The following RBM46 variants were observed in gnomAD, a reference collection of about 807,000 sequenced individuals.
RBM46 encodes the protein probable RNA-binding protein 46.
In RBM46, 12 loss-of-function variants were observed where a neutral mutation model predicts 43.3. The ratio of observed to expected loss-of-function variants is 0.28; its 90% CI spans 0.18 to 0.45. The LOEUF is 0.45. Ranked by LOEUF, RBM46 falls within the 20% of genes least tolerant of loss-of-function variation. The probability of loss-of-function intolerance (pLI) is 1.00; values close to 1 mark genes in which losing one functional copy is unlikely to be tolerated. For synonymous variants in RBM46, 205 were observed against 207.6 expected, an observed-to-expected ratio of 0.99 and a Z score of 0.11; for missense variants, 412 against 639.1, an observed-to-expected ratio of 0.64 and a Z score of 3.83.
At chr4:154,787,863 AAT>A (rs752971372) in intron 1 of RBM46, among the ~76,000 whole-genome samples, 5 of 152,178 alleles carry the variant, frequency 3.3e-5, no homozygotes, top group Non-Finnish European at 7.3e-5. Context: ...CTGACTTATT[AAT>A]AGTCACCATT....
Position 154,822,634 on chromosome 4 carries a change from TTAGTTA to T in RBM46, c.1403-5232_1403-5227del, listed in dbSNP as rs886804612. On this transcript the variant is annotated intron_variant, in intron 4 of 4. Coordinates refer to ENST00000281722, the MANE Select transcript of RBM46 (RefSeq NM_144979.5). Reference sequence around the variant, plus strand: ...GAGTGAAAGTAAGTTATTGAGATAGTTAGTTATGGTTATTGAATGTTAGAAATTGAA... The same window carrying T: ...GAGTGAAAGTAAGTTATTGAGATAGTTGGTTATTGAATGTTAGAAATTGAA... Among the ~76,000 whole-genome samples the T allele has an allele frequency of 7.4e-3, 1,109 of 150,216 alleles. 10 individuals are homozygous for T. The highest frequency in any genetic ancestry group is 0.025 in the African/African-American group (1,049 of 41,312).
rs144494582 is a variant in RBM46 at position 154,796,798 on chromosome 4, C to A, written c.46C>A (p.Arg16=). The change falls in exon 2 of 5, where the codon CGA becomes AGA. Residue 16 remains arginine, a synonymous_variant. Coordinates refer to ENST00000281722, the MANE Select transcript of RBM46 (RefSeq NM_144979.5). ...TGGAACAAATGGATGCAGTAAAGTT[C>A]GAACTGGTATTCAGAATGAAGCAGC... is the stretch of plus-strand genomic sequence containing the variant. The part of the protein sequence containing the change: ...IDGTNGCSKV[R]TGIQNEAALL... 2.5e-6 allele frequency: 4 copies of A among 1,613,062 alleles called. No homozygotes were observed. The highest frequency in any genetic ancestry group is 4.5e-5 in the East Asian group (2 of 44,816).
chr4:154,783,925 A>C (rs918716395), intron 1 of RBM46, among the ~76,000 whole-genome samples: 1 of 152,202 alleles, frequency 6.6e-6, no homozygotes, highest in Non-Finnish European at 1.5e-5. Context: ...CTCGTTTTCC[A>C]AGAACGAGAA....
chr4:154,789,531 A>G (rs1733969853), intron 1 of RBM46, among the ~76,000 whole-genome samples: 1 of 152,112 alleles, frequency 6.6e-6, no homozygotes, highest in South Asian at 2.1e-4. Flanking sequence ...AGCCCACTTG[A>G]TCATGGTGGA....
intron 4 of RBM46, among the ~76,000 whole-genome samples, chr4:154,823,439 AT>A (rs1735811905): frequency 6.6e-6 from 1 of 151,906 alleles, no homozygotes; most frequent in Non-Finnish European, 1.5e-5. Context: ...AAAGAAACCA[AT>A]TATGAGGAAT....
chr4:154,826,740 T>C (rs1578960227), intron 4 of RBM46: 1 of 45,216 alleles, frequency 2.2e-5, no homozygotes, highest in Non-Finnish European at 3.4e-5. Context: ...TCATTTTTCC[T>C]TTTTTTTTTT....
At position 154,799,167 on chromosome 4, in the gene RBM46, C is replaced by T; in HGVS notation, c.1005C>T (p.Asn335=). 6.2e-7 allele frequency: 1 copy of T among 1,614,114 alleles called. No homozygotes were observed. Among genetic ancestry groups the T allele is most frequent in the Non-Finnish European group, 8.5e-7 (1 of 1,180,026 alleles). ...CTGAAAATCTGATTGTGTTTGCTAA[C>T]AAAGAAGAGAGCCACCCAAAAACTC... is the stretch of plus-strand genomic sequence containing the variant. ...PNSENLIVFA[N]KEESHPKTLG... Residue 335 remains asparagine, a synonymous_variant, in exon 4 of 5, where the codon AAC becomes AAT. Coordinates refer to ENST00000281722, the MANE Select transcript of RBM46 (RefSeq NM_144979.5).
At chr4:154,824,090 CTTT>C (rs34202228) in intron 4 of RBM46, among the ~76,000 whole-genome samples, 1 of 145,332 alleles carries the variant, frequency 6.9e-6, no homozygotes, top group Non-Finnish European at 1.5e-5. Context: ...CAGTTGTTCT[CTTT>C]TTTTTTTTTG....
chr4:154,816,547 G>T (rs1207828449), intron 4 of RBM46, among the ~76,000 whole-genome samples: 1 of 151,946 alleles, frequency 6.6e-6, no homozygotes, highest in East Asian at 1.9e-4. Context: ...ATGTGAAAAC[G>T]ATTTATTTTT....
Position 154,827,863 on chromosome 4 carries a change from T to C in RBM46, c.1403-5T>C. On this transcript the variant is annotated splice_region_variant and splice_polypyrimidine_tract_variant and intron_variant, in intron 4 of 4. Coordinates refer to ENST00000281722, the MANE Select transcript of RBM46 (RefSeq NM_144979.5). ...CAGCATAATTGTTCATGTATTTATT[T>C]ACAGACTACAATTTCCATCGCAGCT... 1 of 1,613,564 alleles carries C rather than the reference T, an allele frequency of 6.2e-7. No individual in the cohort carries two copies. The highest frequency in any genetic ancestry group is 8.5e-7 in the Non-Finnish European group (1 of 1,179,498).
rs1194098607 is a variant in RBM46, at chr4:154,799,429, A to G, written c.1267A>G (p.Lys423Glu). 1 of 1,614,132 alleles carries G rather than the reference A, an allele frequency of 6.2e-7. No individual in the cohort carries two copies. Among genetic ancestry groups the G allele is most frequent in the Non-Finnish European group, 8.5e-7 (1 of 1,180,008 alleles). The stretch of plus-strand genomic sequence containing the variant: ...ATATTCAACAACAAGTCAAGATGGG[A>G]AAGTACTCTTGGTGTATAAGATAGT... Reference protein sequence around the residue: ...YLYSTTSQDGKVLLVYKIVIP... With the variant: ...YLYSTTSQDGEVLLVYKIVIP... The change falls in exon 4 of 5, where the codon AAA (lysine) becomes GAA (glutamate). Residue 423 changes from lysine (K) to glutamate (E), a missense_variant. Coordinates refer to ENST00000281722, the MANE Select transcript of RBM46 (RefSeq NM_144979.5).
intron 4 of RBM46, among the ~76,000 whole-genome samples, chr4:154,825,331 A>C (rs376989188): frequency 2.0e-4 from 31 of 152,256 alleles, no homozygotes; most frequent in African/African-American, 7.2e-4. Flanking sequence ...GGAAAACATG[A>C]TTGTACTTTT....
chr4:154,794,305 T>C (rs780130462), intron 1 of RBM46, among the ~76,000 whole-genome samples: 34 of 151,176 alleles, frequency 2.2e-4, no homozygotes, highest in Non-Finnish European at 4.1e-4. Context: ...CTCAGCCTCC[T>C]GAGTAGCTGG....
chr4:154,782,972 A>G (rs1402455123), intron 1 of RBM46, among the ~76,000 whole-genome samples: 2 of 152,240 alleles, frequency 1.3e-5, no homozygotes, highest in Non-Finnish European at 1.5e-5. Flanking sequence ...CGATGTATAT[A>G]CAGTTTGACA....
chr4:154,820,637 CT>C (rs1473024453), intron 4 of RBM46, among the ~76,000 whole-genome samples: 2 of 151,610 alleles, frequency 1.3e-5, no homozygotes, highest in Non-Finnish European at 3.0e-5. Flanking sequence ...ATTTAACATG[CT>C]AGTATACCTT....
intron 4 of RBM46, among the ~76,000 whole-genome samples, chr4:154,805,035 C>CT (rs1734844548): frequency 6.6e-6 from 1 of 151,974 alleles, no homozygotes; most frequent in Admixed American, 6.5e-5. Flanking sequence ...GTTGTAAACC[C>CT]TTTGCAGAGT....
chr4:154,788,395 T>G (rs890582878), intron 1 of RBM46, among the ~76,000 whole-genome samples: 3 of 152,194 alleles, frequency 2.0e-5, no homozygotes, highest in African/African-American at 7.2e-5. Context: ...AGTTTCAGCT[T>G]TCTCCATATG....
chr4:154,800,332 G>A (rs889593372), intron 4 of RBM46, among the ~76,000 whole-genome samples: 5 of 152,132 alleles, frequency 3.3e-5, no homozygotes, highest in African/African-American at 1.2e-4. Flanking sequence ...GATGGGTCGT[G>A]TGTAGACACA....
intron 4 of RBM46, among the ~76,000 whole-genome samples, chr4:154,806,762 T>C (rs1313897516): frequency 6.6e-6 from 1 of 151,904 alleles, no homozygotes. Flanking sequence ...TCAATTACTA[T>C]AGCCAAAACC....
Sources: gnomAD v4.1 joint callset for allele counts (sites outside exome capture counted in the v4.1 genomes callset) on GRCh38, gnomAD v4.1.1 for gene constraint, MANE v1.5 for transcripts, NCBI Gene and HGNC (gene_info 2026-07-23, HGNC 2026-07-21) for gene names.